PCDHGB7: variants seen among roughly 807,000 people sequenced by gnomAD.
PCDHGB7 encodes the protein protocadherin gamma-B7.
PCDHGB7 carries 37 observed loss-of-function variants against 61.4 expected under a neutral mutation model. The ratio of observed to expected loss-of-function variants is 0.60; its 90% confidence interval spans 0.46 to 0.79. The LOEUF (loss-of-function observed/expected upper bound fraction) is 0.79, where lower values mean the gene tolerates loss of function less well. PCDHGB7 is among the 30% of genes least tolerant of loss of function. The pLI is 0.00. For synonymous variants in PCDHGB7, 464 were observed against 503.5 expected (o/e 0.92, Z 1.05); for missense variants, 1,166 against 1,202.5 (o/e 0.97, Z 0.45).
Position 141,417,821 on chromosome 5 carries a change from A to G in PCDHGB7, c.-39A>G, listed in dbSNP as rs769813917. The G allele has an allele frequency of 6.6e-7, 1 of 1,514,942 alleles. No homozygotes were observed. The highest frequency in any genetic ancestry group is 1.4e-5 in the African/African-American group (1 of 71,908). 93.8% of individuals were successfully genotyped at this position (1,514,942 alleles called of 1,614,324 possible). ...AGCGCGGTAGAGTGCACTTTCTCCA[A>G]CTGGAAAAGCGGGGACCCAGCGAGA... On this transcript the variant is annotated 5_prime_UTR_variant, in exon 1 of 4. Transcript: ENST00000398594.
intron 1 of PCDHGB7, among the ~76,000 whole-genome samples, chr5:141,436,478 A>G (rs1360229764): frequency 2.0e-5 from 3 of 152,220 alleles, no homozygotes; most frequent in Non-Finnish European, 4.4e-5. Context: ...TGTATCATAG[A>G]AGGATAGCAG....
intron 2 of PCDHGB7, among the ~76,000 whole-genome samples, chr5:141,500,906 G>C (rs1333707004): frequency 6.7e-6 from 1 of 149,672 alleles, no homozygotes; most frequent in African/African-American, 2.5e-5. Flanking sequence ...GTCTCGCTCT[G>C]TCTCCAGGCT....
In PCDHGB7 at chr5:141,431,892, A is replaced by G. The variant is rs1456048000; in HGVS notation, c.2415+11618A>G. The G allele has an allele frequency of 2.1e-5, 34 of 1,614,054 alleles. No homozygotes were observed. Among genetic ancestry groups the G allele is most frequent in the Non-Finnish European group, 2.7e-5 (32 of 1,179,972 alleles). ...AATGTAAATGACCAAGATTCTGAGG[A>G]AAACGGACAGGTGATCTGTTTCATC... is the stretch of plus-strand genomic sequence containing the variant. On this transcript the variant is annotated intron_variant, in intron 1 of 3. Transcript: ENST00000398594. The surrounding 1 kb of genome is among the most constrained non-coding windows in gnomAD (Gnocchi z 4.8).
chr5:141,431,092 G>A lies in PCDHGB7; in HGVS notation c.2415+10818G>A. On this transcript the variant is annotated intron_variant, in intron 1 of 3. Coordinates refer to ENST00000398594, the MANE Select transcript of PCDHGB7 (RefSeq NM_018927.4). This position sits in a 1 kb window ranked among gnomAD's most constrained non-coding sequence, Gnocchi z 4.8. ...AATTAAATCTAGACATTCTGATGGAGGATAAAGTGAAAATATATGGAGTAG... is the reference window on the plus strand; with the variant it reads ...AATTAAATCTAGACATTCTGATGGAAGATAAAGTGAAAATATATGGAGTAG... 1 of 1,614,252 alleles carries A rather than the reference G, an allele frequency of 6.2e-7. No individual in the cohort carries two copies. The highest frequency in any genetic ancestry group is 1.1e-5 in the South Asian group (1 of 91,090).
intron 1 of PCDHGB7, among the ~76,000 whole-genome samples, chr5:141,449,848 T>C (rs7713034): frequency 0.29 from 44,283 of 151,474 alleles, 7,514 homozygotes; most frequent in African/African-American, 0.48. Flanking sequence ...AATTAAATTT[T>C]AATAATAAAA....
intron 1 of PCDHGB7, among the ~76,000 whole-genome samples, chr5:141,466,360 G>A (rs2099121274): frequency 6.6e-6 from 1 of 152,070 alleles, no homozygotes; most frequent in South Asian, 2.1e-4. Context: ...TAATCTAGAT[G>A]TAATGGTTTT....
chr5:141,501,288 TATACACAC>T (rs1482707793), intron 2 of PCDHGB7, among the ~76,000 whole-genome samples: 1 of 81,228 alleles, frequency 1.2e-5, no homozygotes, highest in African/African-American at 4.9e-5. Flanking sequence ...GATATTCCCT[TATACACAC>T]ACACACACAC....
Position 141,512,171 on chromosome 5 carries a change from T to C in PCDHGB7, c.*998T>C, listed in dbSNP as rs140884268. ...GGGCTGAGCTAACAGGACCAATGGA[T>C]TAAACTGGCATTTCAGTCCAAGGAA... On this transcript the variant is annotated 3_prime_UTR_variant, in exon 4 of 4. Transcript: ENST00000398594. 584 of 152,796 alleles carry C rather than the reference T, an allele frequency of 3.8e-3. 5 individuals carry two copies. The highest frequency in any genetic ancestry group is 0.011 in the Admixed American group (167 of 15,298). The allele number at this position is 152,796 out of a possible 1,614,324, so 9.5% of individuals were successfully genotyped here. A position where few individuals can be genotyped will look rare whatever the true frequency, so the allele number is the denominator to read the frequency against.
At chr5:141,427,239 G>C (rs1160872088) in intron 1 of PCDHGB7, 1 of 456,746 alleles carries the variant, frequency 2.2e-6, no homozygotes, top group East Asian at 6.9e-5. Flanking sequence ...GAGAGTAGAA[G>C]CTAAGGATGG....
chr5:141,508,777 AG>A (rs1428861784), intron 3 of PCDHGB7, among the ~76,000 whole-genome samples: 3 of 150,778 alleles, frequency 2.0e-5, no homozygotes, highest in Non-Finnish European at 4.4e-5. Context: ...TCCCCCCTCT[AG>A]CCCCTAAATC....
chr5:141,494,546 G>A (rs984336435), intron 1 of PCDHGB7, among the ~76,000 whole-genome samples: 7 of 152,152 alleles, frequency 4.6e-5, no homozygotes, highest in African/African-American at 1.2e-4. Context: ...GGAGGAAGGG[G>A]CCATTTCTTT....
chr5:141,427,999 T>A, intron 1 of PCDHGB7: 1 of 1,601,186 alleles, frequency 6.2e-7, no homozygotes, highest in Non-Finnish European at 8.5e-7. Context: ...GGCTCCGCAC[T>A]CTTCGATATA....
intron 1 of PCDHGB7, among the ~76,000 whole-genome samples, chr5:141,457,822 C>A (rs1477393535): frequency 6.6e-6 from 1 of 152,178 alleles, no homozygotes; most frequent in Non-Finnish European, 1.5e-5. Context: ...AAGATAAACT[C>A]AGAGCTTCCA....
intron 1 of PCDHGB7, among the ~76,000 whole-genome samples, chr5:141,445,784 G>A (rs2098477494): frequency 6.6e-6 from 1 of 152,168 alleles, no homozygotes; most frequent in Non-Finnish European, 1.5e-5. Flanking sequence ...GGGCTAGGGA[G>A]GCTAGAAACA....
intron 2 of PCDHGB7, among the ~76,000 whole-genome samples, chr5:141,504,859 C>T (rs1396681670): frequency 6.6e-6 from 1 of 152,090 alleles, no homozygotes; most frequent in African/African-American, 2.4e-5. Context: ...TCTTCCATTT[C>T]CCACCTTCAC....
rs17097211 is a variant in PCDHGB7 at position 141,423,498 on chromosome 5, G to A, written c.2415+3224G>A. 9.4e-4 allele frequency: 1,510 copies of A among 1,613,948 alleles called. 9 individuals are homozygous for A. In the African/African-American group the frequency reaches 0.016, roughly 17 times the overall value. ...CTTTCCTGCAAACCTATTCCCACGA[G>A]GTCTCTCTCATTGCGGACTCGCAGA... On this transcript the variant is annotated intron_variant, in intron 1 of 3. Transcript: ENST00000398594.
intron 2 of PCDHGB7, among the ~76,000 whole-genome samples, chr5:141,497,578 T>C (rs2099778035): frequency 1.3e-5 from 2 of 150,806 alleles, no homozygotes; most frequent in South Asian, 4.2e-4. Context: ...CTTGCTCTGT[T>C]GCCCAAGCTG....
chr5:141,457,868 G>T lies in PCDHGB7; in HGVS notation c.2416-36939G>T, dbSNP rs1479066479. ...AAAGTGACATTCTTCACTGACCACA[G>T]GTTAGGAACCCTGTGTGGGGACTGT... On this transcript the variant is annotated intron_variant, in intron 1 of 3. Transcript: ENST00000398594. Among the ~76,000 whole-genome samples the T allele has an allele frequency of 2.0e-5, 3 of 152,346 alleles. No individual in the cohort carries two copies. In the East Asian group the frequency reaches 5.8e-4, roughly 29 times the overall value.
In PCDHGB7 at chr5:141,432,255, C is replaced by T. The variant is rs1561859576; in HGVS notation, c.2415+11981C>T. The T allele has an allele frequency of 6.2e-7, 1 of 1,614,246 alleles. No individual in the cohort carries two copies. The highest frequency in any genetic ancestry group is 8.5e-7 in the Non-Finnish European group (1 of 1,180,048). On this transcript the variant is annotated intron_variant, in intron 1 of 3. Transcript: ENST00000398594. This position sits in a 1 kb window ranked among gnomAD's most constrained non-coding sequence, Gnocchi z 6.0. The stretch of plus-strand genomic sequence containing the variant: ...CTGGCTGAGAACACCATCCAAGGGG[C>T]AAGCCTATCGTCCTACGTGTCCATC...
Sources: gnomAD v4.1 joint callset for allele counts (sites outside exome capture counted in the v4.1 genomes callset) on GRCh38, gnomAD v4.1.1 for gene constraint, Gnocchi (gnomAD v3.1) non-coding constraint, MANE v1.5 for transcripts, NCBI Gene and HGNC (gene_info 2026-07-23, HGNC 2026-07-21) for gene names.